The following CSMD1 variants were observed in gnomAD, a reference collection of about 807,000 sequenced individuals.
CSMD1 encodes CUB and sushi domain-containing protein 1.
Under a neutral mutation model 417.5 loss-of-function variants are expected in CSMD1, and 213 were observed. That is an observed-to-expected ratio of 0.51 (90% CI 0.46 to 0.57). The LOEUF is 0.57. Ranked by LOEUF, CSMD1 falls within the 20% of genes least tolerant of loss-of-function variation. CSMD1 has a pLI of 0.00. For missense variants in CSMD1, 6,923 were observed against 4,529.7 expected, an observed-to-expected ratio of 1.53 and a Z score of -15.17; for synonymous variants, 2,862 against 1,736.8, an observed-to-expected ratio of 1.65 and a Z score of -16.11.
chr8:3,679,867 C>G (rs577937983), intron 7 of CSMD1, among the ~76,000 whole-genome samples: 2 of 152,274 alleles, frequency 1.3e-5, no homozygotes, highest in South Asian at 4.1e-4. Context: ...AACAAGAACT[C>G]AGGATTAAGA....
At chr8:3,658,179 A>G (rs1163399055) in intron 7 of CSMD1, among the ~76,000 whole-genome samples, 1 of 152,136 alleles carries the variant, frequency 6.6e-6, no homozygotes, top group Non-Finnish European at 1.5e-5. Context: ...CAGAAGATAC[A>G]ATTTTCTATG....
intron 7 of CSMD1, among the ~76,000 whole-genome samples, chr8:3,697,449 T>C (rs1800616777): frequency 6.6e-6 from 1 of 152,230 alleles, no homozygotes; most frequent in South Asian, 2.1e-4. Context: ...GGCTAATTAA[T>C]TATCTTGCTG....
intron 17 of CSMD1, among the ~76,000 whole-genome samples, chr8:3,391,384 C>T (rs1346052875): frequency 6.6e-6 from 1 of 152,200 alleles, no homozygotes; most frequent in Non-Finnish European, 1.5e-5. Flanking sequence ...GGAAAACCTT[C>T]ATACCCTTGA....
intron 3 of CSMD1, among the ~76,000 whole-genome samples, chr8:4,091,648 G>T (rs958528019): frequency 1.3e-5 from 2 of 152,104 alleles, no homozygotes; most frequent in African/African-American, 4.8e-5. Flanking sequence ...GCCCCACAAC[G>T]AGTTCTTCAA....
intron 7 of CSMD1, among the ~76,000 whole-genome samples, chr8:3,707,134 T>C (rs1446051654): frequency 1.3e-5 from 2 of 152,188 alleles, no homozygotes; most frequent in Non-Finnish European, 2.9e-5. Flanking sequence ...GCACAGACTA[T>C]GGATTATTGT....
At chr8:4,214,078 T>C (rs932457715) in intron 3 of CSMD1, among the ~76,000 whole-genome samples, 1 of 151,382 alleles carries the variant, frequency 6.6e-6, no homozygotes, top group African/African-American at 2.4e-5. Flanking sequence ...ACCTACTGAA[T>C]TATCCAGCAT....
intron 3 of CSMD1, among the ~76,000 whole-genome samples, chr8:4,350,640 C>A (rs77815485): frequency 1.3e-5 from 2 of 152,108 alleles, no homozygotes; most frequent in African/African-American, 4.8e-5. Flanking sequence ...TAGAGAATTG[C>A]GAGTTGACTC....
At chr8:3,715,662 C>T (rs1354065141) in intron 6 of CSMD1, among the ~76,000 whole-genome samples, 2 of 152,144 alleles carry the variant, frequency 1.3e-5, no homozygotes, top group Admixed American at 6.5e-5. Context: ...CCTGCCTTGG[C>T]CTCCTGAGTA....
intron 3 of CSMD1, among the ~76,000 whole-genome samples, chr8:4,032,935 A>T (rs1797425348): frequency 6.6e-6 from 1 of 152,042 alleles, no homozygotes; most frequent in Non-Finnish European, 1.5e-5. Context: ...CCCTGTTGGA[A>T]TTACTGATAG....
chr8:3,583,253 C>T (rs1402617051), intron 9 of CSMD1, among the ~76,000 whole-genome samples: 2 of 151,942 alleles, frequency 1.3e-5, no homozygotes, highest in Non-Finnish European at 2.9e-5. Context: ...AATTTTTACT[C>T]ACAGAGTCAA....
At chr8:3,005,556 T>A (rs1271414554) in intron 52 of CSMD1, among the ~76,000 whole-genome samples, 1 of 151,996 alleles carries the variant, frequency 6.6e-6, no homozygotes, top group Non-Finnish European at 1.5e-5. Context: ...CAGCAACACA[T>A]CAAAAAGCTT....
At chr8:3,262,127 A>C (rs771515569) in intron 26 of CSMD1, among the ~76,000 whole-genome samples, 1 of 147,316 alleles carries the variant, frequency 6.8e-6, no homozygotes, top group East Asian at 2.0e-4. Context: ...TGCAGTATTC[A>C]TTTGAATTAT....
intron 5 of CSMD1, among the ~76,000 whole-genome samples, chr8:3,965,165 C>A (rs997654897): frequency 2.2e-4 from 33 of 152,072 alleles, no homozygotes; most frequent in African/African-American, 8.0e-4. Flanking sequence ...TGCTTTTTAA[C>A]AGTAAGAGTT....
chr8:4,318,575 A>G (rs1434436722), intron 3 of CSMD1, among the ~76,000 whole-genome samples: 1 of 152,138 alleles, frequency 6.6e-6, no homozygotes, highest in African/African-American at 2.4e-5. Flanking sequence ...TAAAAAGAAT[A>G]AAAAACATGT....
rs536508148 is a variant in CSMD1 at position 4,420,107 on chromosome 8, A to C, written c.303-42T>G. On this transcript the variant is annotated intron_variant, in intron 2 of 69. Coordinates refer to ENST00000635120, the MANE Select transcript of CSMD1 (RefSeq NM_033225.6). ...AGACACAAAGAGAGTTAAAAGCATG[A>C]ATTTGTCAAAAAAAGCTTATTTGAT... 1.1e-5 allele frequency: 16 copies of C among 1,424,066 alleles called. No homozygotes were observed. In the South Asian group the frequency reaches 2.0e-4, roughly 18 times the overall value. 88.2% of individuals were successfully genotyped at this position (1,424,066 alleles called of 1,614,324 possible). A position where few individuals can be genotyped will look rare whatever the true frequency, so the allele number is the denominator to read the frequency against.
At chr8:3,584,289 T>C (rs187641951) in intron 9 of CSMD1, among the ~76,000 whole-genome samples, 362 of 152,298 alleles carry the variant, frequency 2.4e-3, no homozygotes, top group African/African-American at 8.5e-3. Flanking sequence ...GGCAGAGTCT[T>C]GGCGATTACT....
intron 7 of CSMD1, among the ~76,000 whole-genome samples, chr8:3,705,011 C>T (rs1024922775): frequency 6.6e-6 from 1 of 152,172 alleles, no homozygotes; most frequent in African/African-American, 2.4e-5. Context: ...CTCTCGAATT[C>T]ACCAAAACCT....
At chr8:3,730,412 T>A (rs1802777269) in intron 6 of CSMD1, among the ~76,000 whole-genome samples, 1 of 144,612 alleles carries the variant, frequency 6.9e-6, no homozygotes, top group Non-Finnish European at 1.5e-5. Flanking sequence ...ACCACTGAGC[T>A]GGGATAGAGC....
At chr8:3,005,388 T>C (rs965221886) in intron 52 of CSMD1, among the ~76,000 whole-genome samples, 4 of 152,130 alleles carry the variant, frequency 2.6e-5, no homozygotes, top group East Asian at 1.9e-4. Flanking sequence ...TTCCAATTAA[T>C]AGAAAAAGAC....
Sources: gnomAD v4.1 joint callset for allele counts (sites outside exome capture counted in the v4.1 genomes callset) on GRCh38, gnomAD v4.1.1 for gene constraint, MANE v1.5 for transcripts, NCBI Gene and HGNC (gene_info 2026-07-23, HGNC 2026-07-21) for gene names.